Variants in ZC3H3 observed in about 807,000 individuals in gnomAD.
ZC3H3 encodes zinc finger CCCH domain-containing protein 3.
In ZC3H3, 36 loss-of-function variants were observed where a neutral mutation model predicts 77.3. The ratio of observed to expected loss-of-function variants is 0.47; its 90% confidence interval spans 0.36 to 0.61. ZC3H3 has a LOEUF of 0.61. Ranked by LOEUF, ZC3H3 falls within the 20% of genes least tolerant of loss-of-function variation. The pLI is 0.00. For synonymous variants in ZC3H3, 626 were observed against 555.2 expected, an observed-to-expected ratio of 1.13 and a Z score of -1.79; for missense variants, 1,331 against 1,312.2, an observed-to-expected ratio of 1.01 and a Z score of -0.22.
intron 4 of ZC3H3, among the ~76,000 whole-genome samples, chr8:143,489,163 T>C (rs1451300125): frequency 1.3e-5 from 2 of 152,202 alleles, no homozygotes; most frequent in African/African-American, 2.4e-5. Context: ...CCAAATGTCA[T>C]TGCCTGCAGG....
intron 3 of ZC3H3, among the ~76,000 whole-genome samples, chr8:143,516,795 C>T (rs761675748): frequency 8.5e-5 from 13 of 152,200 alleles, no homozygotes; most frequent in Non-Finnish European, 1.3e-4. Context: ...GTCCCTGGGA[C>T]GCAGCCCCGT....
intron 3 of ZC3H3, among the ~76,000 whole-genome samples, chr8:143,517,957 GCT>G (rs1223664812): frequency 6.6e-6 from 1 of 152,214 alleles, no homozygotes; most frequent in East Asian, 1.9e-4. Context: ...GCAGCTCCAG[GCT>G]CTGAGTGAGG....
chr8:143,440,419 C>T (rs945853484), intron 10 of ZC3H3, 56 bp from the exon 11 acceptor site: 28 of 1,485,244 alleles, frequency 1.9e-5, no homozygotes, highest in Non-Finnish European at 2.5e-5. Context: ...GGGATCCCAG[C>T]GACAGACTGC....
intron 2 of ZC3H3, among the ~76,000 whole-genome samples, chr8:143,536,737 C>T (rs1048681416): frequency 1.3e-5 from 2 of 152,194 alleles, no homozygotes; most frequent in African/African-American, 4.8e-5. Context: ...GCTCCGTCCC[C>T]ACCCGCATGT....
intron 3 of ZC3H3, among the ~76,000 whole-genome samples, chr8:143,516,453 TC>T (rs554762942): frequency 1.7e-3 from 262 of 151,290 alleles, no homozygotes; most frequent in African/African-American, 6.2e-3. Flanking sequence ...CATTAGGCCC[TC>T]CCTGCCAGAA....
At chr8:143,438,952 T>C (rs2129778338) in intron 11 of ZC3H3, among the ~76,000 whole-genome samples, 1 of 152,182 alleles carries the variant, frequency 6.6e-6, no homozygotes, top group Non-Finnish European at 1.5e-5. Context: ...CCAGAGACTG[T>C]CCCAGGCACC....
chr8:143,532,289 C>T (rs1341044097), intron 3 of ZC3H3, among the ~76,000 whole-genome samples: 1 of 152,258 alleles, frequency 6.6e-6, no homozygotes, highest in African/African-American at 2.4e-5. Flanking sequence ...CTGCTGGCCA[C>T]TGGGCCGCAC....
At chr8:143,465,347 G>T (rs1002826590) in intron 9 of ZC3H3, among the ~76,000 whole-genome samples, 2 of 151,856 alleles carry the variant, frequency 1.3e-5, no homozygotes, top group East Asian at 3.9e-4. Flanking sequence ...GCAGCCCTGC[G>T]GGCTCCCTGG....
chr8:143,536,518 C>T (rs1022933830), intron 2 of ZC3H3, 65 bp from the exon 3 acceptor site: 1 of 1,425,528 alleles, frequency 7.0e-7, no homozygotes, highest in Admixed American at 2.7e-5. Context: ...CACCCTTCCT[C>T]ACCAGGACCC....
chr8:143,481,668 C>G (rs546406974), intron 4 of ZC3H3, among the ~76,000 whole-genome samples: 1 of 152,362 alleles, frequency 6.6e-6, no homozygotes, highest in African/African-American at 2.4e-5. Context: ...TGGGGACCTT[C>G]CAGGACCCTC....
At chr8:143,527,407 G>A (rs747522488) in intron 3 of ZC3H3, among the ~76,000 whole-genome samples, 2 of 152,124 alleles carry the variant, frequency 1.3e-5, no homozygotes, top group Non-Finnish European at 2.9e-5. Flanking sequence ...GCTCTCCTGA[G>A]AACGCCACCC....
chr8:143,526,144 G>A (rs918419480), intron 3 of ZC3H3, among the ~76,000 whole-genome samples: 1 of 152,248 alleles, frequency 6.6e-6, no homozygotes, highest in Admixed American at 6.5e-5. Context: ...CTTCAGTGGG[G>A]GTCCAGTGGG....
intron 4 of ZC3H3, among the ~76,000 whole-genome samples, chr8:143,497,349 C>T (rs900178373): frequency 2.0e-5 from 3 of 152,114 alleles, no homozygotes; most frequent in African/African-American, 7.2e-5. Flanking sequence ...CTTCCCAATC[C>T]CCCCCAACCC....
At chr8:143,461,848 G>T (rs1820272946) in intron 9 of ZC3H3, among the ~76,000 whole-genome samples, 1 of 152,032 alleles carries the variant, frequency 6.6e-6, no homozygotes, top group Non-Finnish European at 1.5e-5. Context: ...ATTCTGGGGG[G>T]CGATGAAAAC....
At chr8:143,461,346 A>C (rs1380663681) in intron 9 of ZC3H3, among the ~76,000 whole-genome samples, 1 of 152,206 alleles carries the variant, frequency 6.6e-6, no homozygotes, top group Non-Finnish European at 1.5e-5. Context: ...CCAGAAAGGC[A>C]GATACCCAGA....
intron 4 of ZC3H3, among the ~76,000 whole-genome samples, chr8:143,490,923 T>G (rs1391583179): frequency 1.3e-5 from 2 of 152,254 alleles, no homozygotes; most frequent in Middle Eastern, 6.8e-3. Context: ...AATAAACAAA[T>G]AAATATTGAC....
At chr8:143,484,778 C>G (rs1236960045) in intron 4 of ZC3H3, 2 of 379,060 alleles carry the variant, frequency 5.3e-6, no homozygotes, top group African/African-American at 4.2e-5. Flanking sequence ...CCTAGGCCCT[C>G]AAGGACCCCT....
intron 4 of ZC3H3, among the ~76,000 whole-genome samples, chr8:143,498,490 C>A (rs1053608154): frequency 2.0e-5 from 3 of 152,122 alleles, no homozygotes; most frequent in Non-Finnish European, 4.4e-5. Context: ...CGAGGAAGGG[C>A]CGTGGAGGCT....
intron 4 of ZC3H3, among the ~76,000 whole-genome samples, chr8:143,505,555 C>A (rs1420244226): frequency 6.6e-6 from 1 of 152,156 alleles, no homozygotes; most frequent in East Asian, 1.9e-4. Context: ...CAGCTCAGCA[C>A]CCTCCCCACT....
Sources: gnomAD v4.1 joint callset for allele counts (sites outside exome capture counted in the v4.1 genomes callset) on GRCh38, gnomAD v4.1.1 for gene constraint, MANE v1.5 for transcripts, NCBI Gene and HGNC (gene_info 2026-07-23, HGNC 2026-07-21) for gene names.